NSUN3: variants seen among roughly 807,000 people sequenced by gnomAD.
NSUN3 encodes the protein tRNA (cytosine(34)-C(5))-methyltransferase, mitochondrial.
In NSUN3, 24 loss-of-function variants were observed where a neutral mutation model predicts 36.8. The ratio of observed to expected loss-of-function variants is 0.65; its 90% CI spans 0.47 to 0.92. The LOEUF is 0.92. Among genes scored for constraint, NSUN3 ranks in the 40% least tolerant of loss-of-function variants. The probability of loss-of-function intolerance (pLI) is 0.00; values close to 1 mark genes in which losing one functional copy is unlikely to be tolerated. For synonymous variants in NSUN3, 146 were observed against 145.2 expected (o/e 1.01, Z -0.04); for missense variants, 381 against 392.8 (o/e 0.97, Z 0.25).
intron 5 of NSUN3, among the ~76,000 whole-genome samples, chr3:94,124,267 C>G (rs2077476027): frequency 6.7e-6 from 1 of 149,098 alleles, no homozygotes; most frequent in African/African-American, 2.5e-5. Flanking sequence ...ATTCTCCTAC[C>G]TCATCGTCCC....
intron 5 of NSUN3, among the ~76,000 whole-genome samples, chr3:94,117,188 C>A (rs948953506): frequency 1.3e-5 from 2 of 151,676 alleles, no homozygotes; most frequent in East Asian, 3.9e-4. Context: ...TTGGTAGAGA[C>A]GAGTTTTCAC....
At chr3:94,095,913 A>ATTTTTTTTTTTT (rs60524751) in intron 5 of NSUN3, among the ~76,000 whole-genome samples, 1 of 124,532 alleles carries the variant, frequency 8.0e-6, no homozygotes, top group Non-Finnish European at 1.7e-5. Context: ...AGCCTAGCTA[A>ATTTTTTTTTTTT]TTTTTTTTTT....
rs1417862158 is a variant in NSUN3 at position 94,063,153 on chromosome 3, C to G, written c.12+15C>G. 2.5e-6 allele frequency: 4 copies of G among 1,613,438 alleles called. No individual in the cohort carries two copies. The highest frequency in any genetic ancestry group is 2.5e-6 in the Non-Finnish European group (3 of 1,179,782). Reference sequence around the variant, plus strand: ...TGCTGACCCAGGTGAGACCTGGGGCCCGGCTGGGTACCTCTATCTGAATGA... The same window carrying G: ...TGCTGACCCAGGTGAGACCTGGGGCGCGGCTGGGTACCTCTATCTGAATGA... On this transcript the variant is annotated intron_variant, in intron 1 of 5. Coordinates refer to ENST00000314622, the MANE Select transcript of NSUN3 (RefSeq NM_022072.5).
At chr3:94,076,966 G>T in intron 2 of NSUN3, 2 of 976,622 alleles carry the variant, frequency 2.0e-6, no homozygotes, top group East Asian at 2.4e-5. Flanking sequence ...ATGTGTGTGT[G>T]TACCCAGGAC....
intron 3 of NSUN3, among the ~76,000 whole-genome samples, chr3:94,088,928 CA>C (rs2077304103): frequency 6.6e-6 from 1 of 152,142 alleles, no homozygotes; most frequent in South Asian, 2.1e-4. Context: ...CTCGGCCTCC[CA>C]AAGTGCTGGG....
intron 2 of NSUN3, among the ~76,000 whole-genome samples, chr3:94,080,018 T>C (rs549301719): frequency 3.0e-4 from 45 of 152,260 alleles, no homozygotes; most frequent in African/African-American, 1.0e-3. Context: ...ATTCTGGTTT[T>C]TGGAATTTTC....
chr3:94,107,921 A>T (rs1043368106), intron 5 of NSUN3, among the ~76,000 whole-genome samples: 4 of 151,870 alleles, frequency 2.6e-5, no homozygotes, highest in African/African-American at 7.2e-5. Context: ...TGGCAGGAAG[A>T]AAAACCATTC....
At position 94,108,649 on chromosome 3, in the gene NSUN3, G is replaced by A. The variant is rs896171001; in HGVS notation, c.743+13495G>A. 4.6e-5 allele frequency among the ~76,000 whole-genome samples: 7 copies of A among 151,010 alleles called. No individual in the cohort carries two copies. In the South Asian group the frequency reaches 8.4e-4, roughly 18 times the overall value. ...GCTGGGATTACAGGTGTGAGCCACC[G>A]CGCCTGGCCTTTTTATTTTATTTTT... On this transcript the variant is annotated intron_variant, in intron 5 of 5. Transcript: ENST00000314622.
chr3:94,119,122 C>G (rs1223417157), intron 5 of NSUN3, among the ~76,000 whole-genome samples: 2 of 152,078 alleles, frequency 1.3e-5, no homozygotes, highest in African/African-American at 4.8e-5. Flanking sequence ...GATGATTTAT[C>G]CCAGACATTA....
chr3:94,075,462 A>G (rs376218811), intron 2 of NSUN3, among the ~76,000 whole-genome samples: 20 of 152,214 alleles, frequency 1.3e-4, no homozygotes, highest in African/African-American at 4.3e-4. Flanking sequence ...GTAGGAATCT[A>G]TATGACTTGA....
At position 94,077,808 on chromosome 3, in the gene NSUN3, G is replaced by A. The variant is rs554407279; in HGVS notation, c.123-6299G>A. ...TATCCCCTATATTATTTTTTATTGC[G>A]TCTATTTGATTCTTCTCTCTTTTCT... On this transcript the variant is annotated intron_variant, in intron 2 of 5. Coordinates refer to ENST00000314622, the MANE Select transcript of NSUN3 (RefSeq NM_022072.5). Among the ~76,000 whole-genome samples, 224 of 152,100 alleles carry A rather than the reference G, an allele frequency of 1.5e-3. 2 individuals carry two copies. The highest frequency in any genetic ancestry group is 5.0e-3 in the African/African-American group (208 of 41,498).
intron 5 of NSUN3, among the ~76,000 whole-genome samples, chr3:94,103,005 G>A (rs968161528): frequency 6.6e-6 from 1 of 152,000 alleles, no homozygotes; most frequent in African/African-American, 2.4e-5. Flanking sequence ...TCATGCCTCA[G>A]CCTCTCGAGT....
Position 94,101,938 on chromosome 3 carries a change from G to T in NSUN3, c.743+6784G>T, listed in dbSNP as rs142139421. ...TGGGAAAGCACTAACTGAAGAATAT[G>T]ATTTATAACAAAAATAAAGGTAACT... On this transcript the variant is annotated intron_variant, in intron 5 of 5. Transcript: ENST00000314622. Among the ~76,000 whole-genome samples the T allele has an allele frequency of 7.4e-4, 113 of 152,096 alleles. 1 individual carries two copies. In the East Asian group the frequency reaches 0.018, roughly 25 times the overall value.
At chr3:94,082,111 ATT>A (rs1458045875) in intron 2 of NSUN3, 1 of 152,134 alleles carries the variant, frequency 6.6e-6, no homozygotes, top group Non-Finnish European at 1.5e-5. Flanking sequence ...GTTTCCGATC[ATT>A]TTTTTATTAC....
chr3:94,110,713 A>G (rs1220371809), intron 5 of NSUN3, among the ~76,000 whole-genome samples: 1 of 152,008 alleles, frequency 6.6e-6, no homozygotes, highest in East Asian at 1.9e-4. Flanking sequence ...CTCCAGAGAA[A>G]AAGAGTGGAG....
chr3:94,107,453 A>AT (rs1394312187), intron 5 of NSUN3, among the ~76,000 whole-genome samples: 3 of 150,228 alleles, frequency 2.0e-5, no homozygotes, highest in Non-Finnish European at 3.0e-5. Context: ...CACCTGGCTA[A>AT]TTTTTTATTT....
At chr3:94,119,015 A>T (rs1296731480) in intron 5 of NSUN3, among the ~76,000 whole-genome samples, 1 of 152,148 alleles carries the variant, frequency 6.6e-6, no homozygotes, top group Non-Finnish European at 1.5e-5. Flanking sequence ...AAAAATACAT[A>T]TACAGTCCTC....
rs552880305 is a variant in NSUN3 at position 94,084,271 on chromosome 3, C to T, written c.287C>T (p.Thr96Ile). 1.2e-6 allele frequency: 2 copies of T among 1,614,108 alleles called. No homozygotes were observed. The highest frequency in any genetic ancestry group is 1.7e-5 in the Admixed American group (1 of 60,010). ...TCAGTGAAGTGTTACCTTAGCAGAACTCCGGGCCGAATCCCTTCAGAAAGA... is the reference window on the plus strand; with the variant it reads ...TCAGTGAAGTGTTACCTTAGCAGAATTCCGGGCCGAATCCCTTCAGAAAGA... ...PKSVKCYLSR[T>I]PGRIPSERHQ... Residue 96 changes from threonine (T) to isoleucine (I), a missense_variant, in exon 3 of 6, where the codon ACT (threonine) becomes ATT (isoleucine). Coordinates refer to ENST00000314622, the MANE Select transcript of NSUN3 (RefSeq NM_022072.5).
At chr3:94,063,588 C>G (rs933174541) in intron 1 of NSUN3, among the ~76,000 whole-genome samples, 1 of 152,006 alleles carries the variant, frequency 6.6e-6, no homozygotes, top group Admixed American at 6.6e-5. Context: ...TACCTTTCAC[C>G]AATTTTTCTT....
Sources: gnomAD v4.1 joint callset for allele counts (sites outside exome capture counted in the v4.1 genomes callset) on GRCh38, gnomAD v4.1.1 for gene constraint, MANE v1.5 for transcripts, NCBI Gene and HGNC (gene_info 2026-07-23, HGNC 2026-07-21) for gene names.